EIF4G1: variants seen among roughly 807,000 people sequenced by gnomAD.
The protein encoded by EIF4G1 is EIF4-gamma.
EIF4G1 carries 4 observed loss-of-function variants against 187.8 expected under a neutral mutation model. The ratio of observed to expected loss-of-function variants is 0.02; its 90% CI spans 0.01 to 0.05. EIF4G1 has a LOEUF of 0.05. EIF4G1 is among the 10% of genes least tolerant of loss of function. The pLI, the probability that EIF4G1 is intolerant of heterozygous loss-of-function variation, is 1.00. For missense variants in EIF4G1, 1,647 were observed against 2,081.1 expected (o/e 0.79, Z 4.06); for synonymous variants, 844 against 781.4 (o/e 1.08, Z -1.34).
At chr3:184,320,457 G>C (rs1026557587) in intron 7 of EIF4G1, 173 bp from the exon 8 acceptor site, 3 of 1,513,630 alleles carry the variant, frequency 2.0e-6, no homozygotes, top group African/African-American at 1.4e-5. Flanking sequence ...AGCTGGGGCA[G>C]GGACTACGAG....
chr3:184,331,356 G>A lies in EIF4G1; in HGVS notation c.4252G>A (p.Ala1418Thr), dbSNP rs368372465. Residue 1418 changes from alanine to threonine, a missense_variant, in exon 29 of 33, where the codon GCT (alanine) becomes ACT (threonine). Physicochemically the swap from Ala to Thr is moderately conservative, Grantham distance 58. This residue lies in a region of EIF4G1 where 543 missense variants were observed against 638.0 expected (regional missense o/e 0.85). Transcript: ENST00000346169. ...AGGCCAGGACATTGGTGCATTCGTC[G>A]CTGAACAGGTTTGGGGATGGAGTTG... Reference protein sequence around the residue: ...PEGQDIGAFVAEQKVEYTLGE... With the variant: ...PEGQDIGAFVTEQKVEYTLGE... 70 of 1,614,078 alleles carry A rather than the reference G, an allele frequency of 4.3e-5. No individual in the cohort carries two copies. Among genetic ancestry groups the A allele is most frequent in the Middle Eastern group, 1.6e-4 (1 of 6,084 alleles).
chr3:184,317,590 G>T (rs898831966), intron 5 of EIF4G1, 93 bp downstream of exon 5: 20 of 1,564,830 alleles, frequency 1.3e-5, no homozygotes, highest in Non-Finnish European at 1.6e-5. Context: ...TTTTCCAGAG[G>T]TGGGACTTCC....
At chr3:184,333,564 C>T (rs768402888) in intron 32 of EIF4G1, among the ~76,000 whole-genome samples, 6 of 152,130 alleles carry the variant, frequency 3.9e-5, no homozygotes, top group Non-Finnish European at 8.8e-5. Context: ...ATGCCAGATG[C>T]TGCTGTGAGC....
In EIF4G1 at chr3:184,322,822, T is replaced by C. The variant is rs1407981169; in HGVS notation, c.1797T>C (p.Asp599=). The change falls in exon 13 of 33, where the codon GAT becomes GAC. Residue 599 remains aspartate (D), a splice_region_variant and synonymous_variant. Coordinates refer to ENST00000346169, the MANE Select transcript of EIF4G1 (RefSeq NM_198241.3). The part of the protein sequence containing the change: ...PGEQKYEYKS[D]QWKPLNLEEK... ...TGCTTCATTCTGTTTTCCTTGCAGA[T>C]CAGTGGAAGCCTCTAAACCTAGAGG... is the stretch of plus-strand genomic sequence containing the variant. 6.2e-7 allele frequency: 1 copy of C among 1,614,188 alleles called. No homozygotes were observed. Among genetic ancestry groups the C allele is most frequent in the Non-Finnish European group, 8.5e-7 (1 of 1,180,042 alleles).
At position 184,315,544 on chromosome 3, in the gene EIF4G1, G is replaced by A. The variant is rs751560637; in HGVS notation, c.-36G>A. The A allele has an allele frequency of 6.7e-6, 5 of 746,752 alleles. No homozygotes were observed. The highest frequency in any genetic ancestry group is 9.9e-6 in the Non-Finnish European group (4 of 403,636). The allele number at this position is 746,752 out of a possible 1,614,324, so 46.3% of individuals were successfully genotyped here. On this transcript the variant is annotated splice_region_variant and 5_prime_UTR_variant, in exon 2 of 33. Transcript: ENST00000346169. ...ACCGTGGACTTGTTCTTAATCGAGG[G>A]GGTGAGTGAGGGGTCTGTTTCAGTA...
At position 184,323,117 on chromosome 3, in the gene EIF4G1, C is replaced by T; in HGVS notation, c.1964C>T (p.Thr655Ile). The part of the protein sequence containing the change: ...NKTPLRPLDP[T>I]RLQGINCGPD... Reference sequence around the variant, plus strand: ...ACACCACTGCGGCCACTGGATCCCACTAGACTACAAGGCATAAATTGTGGC... The same window carrying T: ...ACACCACTGCGGCCACTGGATCCCATTAGACTACAAGGCATAAATTGTGGC... Residue 655 changes from threonine (T) to isoleucine (I), a missense_variant, in exon 14 of 33, where the codon ACT (threonine) becomes ATT (isoleucine). By Grantham distance (89) the Thr-to-Ile change is moderately conservative. This residue lies in a region of EIF4G1 where 140 missense variants were observed against 222.2 expected (regional missense o/e 0.63). Coordinates refer to ENST00000346169, the MANE Select transcript of EIF4G1 (RefSeq NM_198241.3). This position sits in a 1 kb window ranked among gnomAD's most constrained non-coding sequence, Gnocchi z 6.9. 1.9e-6 allele frequency: 3 copies of T among 1,614,216 alleles called. No individual in the cohort carries two copies. Among genetic ancestry groups the T allele is most frequent in the Non-Finnish European group, 2.5e-6 (3 of 1,180,048 alleles).
intron 28 of EIF4G1, 147 bp from the exon 29 acceptor site, chr3:184,331,119 T>C (rs1362722251): frequency 4.7e-6 from 4 of 860,194 alleles, no homozygotes; most frequent in Non-Finnish European, 7.9e-6. Flanking sequence ...GGAAGGGCTT[T>C]GCCTATTAGT....
chr3:184,326,081 A>G, intron 21 of EIF4G1, 130 bp downstream of exon 21: 3 of 969,788 alleles, frequency 3.1e-6, no homozygotes, highest in South Asian at 2.7e-5. Flanking sequence ...TGGAGACAGG[A>G]CTGCCAGCTG....
chr3:184,319,462 TG>T lies in EIF4G1; in HGVS notation c.425-226del, dbSNP rs1214684208. On this transcript the variant is annotated intron_variant, in intron 6 of 32. Coordinates refer to ENST00000346169, the MANE Select transcript of EIF4G1 (RefSeq NM_198241.3). ...GTGTGTGTGTGTGTGTGTGTGTGTG[TG>T]TGTTTGTGTGTGTGTGTGTGTTAGG... Among the ~76,000 whole-genome samples the T allele has an allele frequency of 3.2e-4, 4 of 12,662 alleles. No homozygotes were observed. In the East Asian group the frequency reaches 4.6e-3, roughly 15 times the overall value. 8.3% of individuals were successfully genotyped at this position (12,662 alleles called of 152,430 possible).
At position 184,328,623 on chromosome 3, in the gene EIF4G1, C is replaced by G. The variant is rs1260181353; in HGVS notation, c.3954-8C>G. ...CTAGAATGTCTTGACTTTGAATTCC[C>G]TTGGCAGGTTGTATGAAATCTTGGA... On this transcript the variant is annotated splice_polypyrimidine_tract_variant and splice_region_variant and intron_variant, in intron 26 of 32. Coordinates refer to ENST00000346169, the MANE Select transcript of EIF4G1 (RefSeq NM_198241.3). The G allele has an allele frequency of 2.5e-6, 4 of 1,614,136 alleles. No individual in the cohort carries two copies. The highest frequency in any genetic ancestry group is 3.4e-6 in the Non-Finnish European group (4 of 1,180,024).
rs973614786 is a variant in EIF4G1, at chr3:184,323,662, C to T, written c.2274+69C>T. Reference sequence around the variant, plus strand: ...AGGTCTGCCATCTGTGCCCTCTTTGCTTCTTTTTGTCCTTATCACTAGCAT... The same window carrying T: ...AGGTCTGCCATCTGTGCCCTCTTTGTTTCTTTTTGTCCTTATCACTAGCAT... On this transcript the variant is annotated intron_variant, in intron 15 of 32. Transcript: ENST00000346169. This position sits in a 1 kb window ranked among gnomAD's most constrained non-coding sequence, Gnocchi z 6.9. The T allele has an allele frequency of 5.0e-6, 8 of 1,611,166 alleles. No individual in the cohort carries two copies. The Admixed American group carries it at 1.2e-4, about 24-fold the overall frequency.
rs1253502298 is a variant in EIF4G1, at chr3:184,334,703, A to G, written c.4619-24A>G. On this transcript the variant is annotated intron_variant, in intron 32 of 32. Coordinates refer to ENST00000346169, the MANE Select transcript of EIF4G1 (RefSeq NM_198241.3). This position sits in a 1 kb window ranked among gnomAD's most constrained non-coding sequence, Gnocchi z 5.8. The stretch of plus-strand genomic sequence containing the variant: ...GGGGTGGCGGTGGCCAGTCACCTCT[A>G]ACTGCTGTCCCGCCTGCTTGCAGAC... 1 of 1,613,986 alleles carries G rather than the reference A, an allele frequency of 6.2e-7. No individual in the cohort carries two copies. Among genetic ancestry groups the G allele is most frequent in the African/African-American group, 1.3e-5 (1 of 75,010 alleles).
At position 184,315,822 on chromosome 3, in the gene EIF4G1, G is replaced by GCCC; in HGVS notation, c.30_32dup (p.Pro12dup). 48 of 1,544,446 alleles carry GCCC rather than the reference G, an allele frequency of 3.1e-5. No homozygotes were observed. The highest frequency in any genetic ancestry group is 4.0e-5 in the Non-Finnish European group (46 of 1,140,760). ...ATGAACAAAGCTCCACAGTCCACAG[G>GCCC]CCCCCCACCCGCCCCATCCCCCGGA... On this transcript the variant is annotated inframe_insertion, in exon 3 of 33. Transcript: ENST00000346169.
At position 184,325,453 on chromosome 3, in the gene EIF4G1, A is replaced by G. The variant is rs371435078; in HGVS notation, c.2962-27A>G. 5 of 1,613,990 alleles carry G rather than the reference A, an allele frequency of 3.1e-6. No individual in the cohort carries two copies. The highest frequency in any genetic ancestry group is 3.3e-5 in the Admixed American group (2 of 60,012). ...GCCTTGTCTTGCCTTCCCTGACATC[A>G]TCGTGACTGGCCCTCTGTCTCCACA... On this transcript the variant is annotated intron_variant, in intron 19 of 32. Coordinates refer to ENST00000346169, the MANE Select transcript of EIF4G1 (RefSeq NM_198241.3). This position sits in a 1 kb window ranked among gnomAD's most constrained non-coding sequence, Gnocchi z 5.2.
intron 32 of EIF4G1, among the ~76,000 whole-genome samples, chr3:184,332,381 G>C (rs1354699065): frequency 1.3e-5 from 2 of 152,232 alleles, no homozygotes; most frequent in Non-Finnish European, 2.9e-5. Flanking sequence ...TGCCCCCACG[G>C]CGTGGCACAG....
intron 26 of EIF4G1, 129 bp downstream of exon 26, chr3:184,328,131 C>A: frequency 8.8e-7 from 1 of 1,139,678 alleles, no homozygotes; most frequent in Non-Finnish European, 1.3e-6. Flanking sequence ...TGCCTGTAAT[C>A]CCTGCACTTT....
At position 184,317,768 on chromosome 3, in the gene EIF4G1, G is replaced by A; in HGVS notation, c.376G>A (p.Ala126Thr). The change falls in exon 6 of 33, where the codon GCC becomes ACC. Residue 126 changes from alanine (A) to threonine (T), a missense_variant. Physicochemically the swap from Ala to Thr is moderately conservative, Grantham distance 58 (BLOSUM62 0). This residue lies in a region of EIF4G1 where 139 missense variants were observed against 187.3 expected (regional missense o/e 0.74). Transcript: ENST00000346169. ...PTQQYPVQPG[A>T]PGFYPGASPT... Reference sequence around the variant, plus strand: ...ACAGCAGTACCCTGTGCAGCCAGGAGCCCCAGGCTTCTATCCAGGTGCAAG... The same window carrying A: ...ACAGCAGTACCCTGTGCAGCCAGGAACCCCAGGCTTCTATCCAGGTGCAAG... 6.2e-7 allele frequency: 1 copy of A among 1,614,144 alleles called. No homozygotes were observed. Among genetic ancestry groups the A allele is most frequent in the Non-Finnish European group, 8.5e-7 (1 of 1,180,026 alleles).
chr3:184,323,391 C>T lies in EIF4G1; in HGVS notation c.2089-17C>T, dbSNP rs561450101. The stretch of plus-strand genomic sequence containing the variant: ...CTAGTTCCATGTCCCCTCTTGTCTT[C>T]ATCCCTTGCTTAGCAGGCTGGCCTG... On this transcript the variant is annotated splice_polypyrimidine_tract_variant and intron_variant, in intron 14 of 32. Coordinates refer to ENST00000346169, the MANE Select transcript of EIF4G1 (RefSeq NM_198241.3). This position sits in a 1 kb window ranked among gnomAD's most constrained non-coding sequence, Gnocchi z 6.9. The T allele has an allele frequency of 1.1e-5, 18 of 1,614,150 alleles. No homozygotes were observed. The South Asian group carries it at 1.9e-4, about 17-fold the overall frequency.
chr3:184,321,569 G>A lies in EIF4G1; in HGVS notation c.985G>A (p.Val329Met). 1.2e-6 allele frequency: 2 copies of A among 1,614,190 alleles called. No homozygotes were observed. Among genetic ancestry groups the A allele is most frequent in the Non-Finnish European group, 1.7e-6 (2 of 1,180,038 alleles). Residue 329 changes from valine (V) to methionine (M), a missense_variant, in exon 10 of 33, where the codon GTG becomes ATG. Physicochemically the swap from Val to Met is conservative, Grantham distance 21. This residue lies in a region of EIF4G1 where 522 missense variants were observed against 485.2 expected (regional missense o/e 1.08). Transcript: ENST00000346169. ...PLAEPILEVE[V>M]TLSKPVPESE... is the part of the protein sequence containing the mutation. Reference sequence around the variant, plus strand: ...CGCCGAACCCATACTGGAAGTAGAAGTGACACTTAGCAAACCGGTTCCAGA... The same window carrying A: ...CGCCGAACCCATACTGGAAGTAGAAATGACACTTAGCAAACCGGTTCCAGA...
Sources: allele counts gnomAD v4.1 joint callset (sites outside exome capture counted in the v4.1 genomes callset), GRCh38; gene constraint gnomAD v4.1.1; regional missense constraint gnomAD v4.1.1; non-coding constraint Gnocchi (gnomAD v3.1); transcripts MANE v1.5; gene names NCBI Gene and HGNC (gene_info 2026-07-23, HGNC 2026-07-21).